The following SYT9 variants were observed in gnomAD, a reference collection of about 807,000 sequenced individuals.
The protein encoded by SYT9 is synaptotagmin 9, also known as synaptotagmin-9.
SYT9 carries 22 observed loss-of-function variants against 48.4 expected under a neutral mutation model. That is an observed-to-expected ratio of 0.45 (90% CI 0.32 to 0.65). The LOEUF is 0.65. SYT9 is among the 30% of genes least tolerant of loss of function. The pLI, the probability that SYT9 is intolerant of heterozygous loss-of-function variation, is 0.03. For missense variants in SYT9, 577 were observed against 622.0 expected (o/e 0.93, Z 0.77); for synonymous variants, 265 against 245.0 (o/e 1.08, Z -0.76).
intron 1 of SYT9, chr11:7,239,066 C>T: frequency 2.5e-6 from 1 of 395,112 alleles, no homozygotes; most frequent in Admixed American, 2.8e-5. Context: ...ACACCCAAGC[C>T]TGATTTACTC....
At chr11:7,348,684 C>A (rs1849847695) in intron 3 of SYT9, among the ~76,000 whole-genome samples, 1 of 83,772 alleles carries the variant, frequency 1.2e-5, no homozygotes, top group African/African-American at 3.7e-5. Flanking sequence ...AGCCATCAGA[C>A]CTCCTTTTTT....
intron 3 of SYT9, among the ~76,000 whole-genome samples, chr11:7,365,986 T>C (rs946340763): frequency 6.6e-6 from 1 of 152,196 alleles, no homozygotes; most frequent in Admixed American, 6.5e-5. Context: ...AGCCTTGTAA[T>C]TGCCCTTGAA....
chr11:7,331,019 G>A (rs748567846), intron 3 of SYT9, among the ~76,000 whole-genome samples: 1 of 151,700 alleles, frequency 6.6e-6, no homozygotes, highest in Admixed American at 6.6e-5. Context: ...GGCTGGTCTC[G>A]AACTCCTGAC....
At chr11:7,448,319 A>C (rs937154514) in intron 6 of SYT9, among the ~76,000 whole-genome samples, 1 of 152,250 alleles carries the variant, frequency 6.6e-6, no homozygotes, top group Non-Finnish European at 1.5e-5. Flanking sequence ...CGCCACACTC[A>C]GGTGCAGGGA....
intron 6 of SYT9, among the ~76,000 whole-genome samples, chr11:7,442,354 C>T (rs1002855824): frequency 2.6e-5 from 4 of 152,178 alleles, no homozygotes; most frequent in African/African-American, 7.2e-5. Flanking sequence ...TCTTCTGCAG[C>T]GCAAACCAGG....
At chr11:7,333,988 C>T (rs1849589797) in intron 3 of SYT9, among the ~76,000 whole-genome samples, 1 of 152,178 alleles carries the variant, frequency 6.6e-6, no homozygotes, top group African/African-American at 2.4e-5. Flanking sequence ...CAAGCGCTTC[C>T]TGTGGCACCT....
intron 2 of SYT9, among the ~76,000 whole-genome samples, chr11:7,306,995 T>C (rs1849044915): frequency 6.6e-6 from 1 of 152,208 alleles, no homozygotes. Context: ...TCTCATGCTC[T>C]TCTGACAAGA....
intron 1 of SYT9, among the ~76,000 whole-genome samples, chr11:7,288,791 A>G (rs1374341400): frequency 3.3e-5 from 5 of 152,160 alleles, no homozygotes; most frequent in African/African-American, 1.2e-4. Flanking sequence ...ATCTCCCACT[A>G]GTGATGCAGC....
At chr11:7,432,234 G>A (rs569047293) in intron 6 of SYT9, among the ~76,000 whole-genome samples, 1 of 152,262 alleles carries the variant, frequency 6.6e-6, no homozygotes, top group African/African-American at 2.4e-5. Context: ...ATAGAGTCAA[G>A]GATTATTTTG....
At chr11:7,280,984 G>A (rs1157964227) in intron 1 of SYT9, among the ~76,000 whole-genome samples, 1 of 152,126 alleles carries the variant, frequency 6.6e-6, no homozygotes. Flanking sequence ...TTTTCATGGT[G>A]GCTGTGTTTA....
At chr11:7,344,156 CCTT>C (rs1849760187) in intron 3 of SYT9, among the ~76,000 whole-genome samples, 1 of 152,188 alleles carries the variant, frequency 6.6e-6, no homozygotes. Flanking sequence ...TTGATTATTT[CCTT>C]CTTCTTTGGC....
chr11:7,305,007 A>C (rs140452469), intron 2 of SYT9, among the ~76,000 whole-genome samples: 1 of 152,216 alleles, frequency 6.6e-6, no homozygotes, highest in Non-Finnish European at 1.5e-5. Flanking sequence ...GGACTCTGCC[A>C]TAATTCTAAC....
chr11:7,268,270 G>T (rs571050767), intron 1 of SYT9, among the ~76,000 whole-genome samples: 1 of 152,048 alleles, frequency 6.6e-6, no homozygotes, highest in South Asian at 2.1e-4. Flanking sequence ...AAGTGGAATT[G>T]CTAGGCTTAT....
chr11:7,464,991 G>A (rs1848305450), intron 6 of SYT9, among the ~76,000 whole-genome samples: 1 of 151,854 alleles, frequency 6.6e-6, no homozygotes, highest in African/African-American at 2.4e-5. Flanking sequence ...AGGAGGCTGA[G>A]GCAGGAGAAT....
At chr11:7,402,747 A>G (rs1590000781) in intron 3 of SYT9, among the ~76,000 whole-genome samples, 1 of 152,230 alleles carries the variant, frequency 6.6e-6, no homozygotes, top group South Asian at 2.1e-4. Context: ...TGTAGACAGC[A>G]TATAGTTGAG....
intron 3 of SYT9, among the ~76,000 whole-genome samples, chr11:7,379,025 T>C (rs930934950): frequency 6.6e-6 from 1 of 152,198 alleles, no homozygotes; most frequent in Non-Finnish European, 1.5e-5. Context: ...AAACAATTTT[T>C]CATCTCCAGT....
At chr11:7,388,156 T>A (rs561484335) in intron 3 of SYT9, among the ~76,000 whole-genome samples, 1 of 152,322 alleles carries the variant, frequency 6.6e-6, no homozygotes, top group African/African-American at 2.4e-5. Context: ...GTAAGGTTTT[T>A]AATTACGGAT....
Position 7,313,416 on chromosome 11 carries a change from A to G in SYT9, c.519A>G (p.Gln173=), listed in dbSNP as rs1348515173. ...CAAGGCATAATTCAATCCGAAGACA[A>G]CTCAACTTGTCAAACCCGGACTTCA... is the stretch of plus-strand genomic sequence containing the variant. ...SSARHNSIRR[Q]LNLSNPDFNI... Residue 173 remains glutamine, a synonymous_variant, in exon 3 of 7, where the codon CAA becomes CAG. Coordinates refer to ENST00000318881, the MANE Select transcript of SYT9 (RefSeq NM_175733.4). The G allele has an allele frequency of 1.1e-5, 18 of 1,612,522 alleles. No homozygotes were observed. Among genetic ancestry groups the G allele is most frequent in the Non-Finnish European group, 1.5e-5 (18 of 1,179,460 alleles).
At chr11:7,270,557 A>T (rs1339317684) in intron 1 of SYT9, among the ~76,000 whole-genome samples, 1 of 152,194 alleles carries the variant, frequency 6.6e-6, no homozygotes, top group Non-Finnish European at 1.5e-5. Flanking sequence ...TTTAGTGGTT[A>T]TTATAGATGA....
Sources: allele counts gnomAD v4.1 joint callset (sites outside exome capture counted in the v4.1 genomes callset), GRCh38; gene constraint gnomAD v4.1.1; transcripts MANE v1.5; gene names NCBI Gene and HGNC (gene_info 2026-07-23, HGNC 2026-07-21).